The following SLC25A24 variants were observed in gnomAD, a reference collection of about 807,000 sequenced individuals.
SLC25A24 encodes mitochondrial adenyl nucleotide antiporter SLC25A24.
In SLC25A24, 49 loss-of-function variants were observed where a neutral mutation model predicts 60.7. The ratio of observed to expected loss-of-function variants is 0.81; its 90% confidence interval spans 0.64 to 1.02. SLC25A24 has a LOEUF of 1.02. SLC25A24 is among the 50% of genes least tolerant of loss of function. The pLI is 0.00. For missense variants in SLC25A24, 564 were observed against 586.3 expected, an observed-to-expected ratio of 0.96 and a Z score of 0.39; for synonymous variants, 202 against 200.6, an observed-to-expected ratio of 1.01 and a Z score of -0.06.
In SLC25A24 at chr1:108,193,267, T is replaced by G. The variant is rs550740673; in HGVS notation, c.183+6689A>C. Among the ~76,000 whole-genome samples, 20 of 138,466 alleles carry G rather than the reference T, an allele frequency of 1.4e-4. 7 individuals carry two copies. The South Asian group carries it at 2.5e-3, about 18-fold the overall frequency. 90.8% of individuals were successfully genotyped at this position (138,466 alleles called of 152,430 possible). A position where few individuals can be genotyped will look rare whatever the true frequency, so the allele number is the denominator to read the frequency against. On this transcript the variant is annotated intron_variant, in intron 1 of 9. Coordinates refer to ENST00000565488, the MANE Select transcript of SLC25A24 (RefSeq NM_013386.5). The stretch of plus-strand genomic sequence containing the variant: ...TGTGTGATACTGGGGTTTGAGCTCC[T>G]AATCGTGCCATCACCCAGGTTGTGA...
chr1:108,148,667 A>G (rs1368916228), intron 6 of SLC25A24, among the ~76,000 whole-genome samples: 1 of 152,196 alleles, frequency 6.6e-6, no homozygotes, highest in Non-Finnish European at 1.5e-5. Context: ...CAAGCTGAGA[A>G]GAGAACGCTC....
chr1:108,154,664 T>G (rs1679844756), intron 6 of SLC25A24, among the ~76,000 whole-genome samples: 1 of 152,194 alleles, frequency 6.6e-6, no homozygotes. Flanking sequence ...TTGTGACACT[T>G]TCATAAAACT....
intron 7 of SLC25A24, 24 bp from the exon 8 acceptor site, chr1:108,143,734 A>G (rs748431626): frequency 5.7e-6 from 9 of 1,578,618 alleles, no homozygotes; most frequent in Non-Finnish European, 6.9e-6. Flanking sequence ...AAAACAAAAT[A>G]TGATTGTTCA....
At chr1:108,149,038 T>A (rs1679683607) in intron 6 of SLC25A24, among the ~76,000 whole-genome samples, 1 of 152,166 alleles carries the variant, frequency 6.6e-6, no homozygotes, top group African/African-American at 2.4e-5. Context: ...CCTCCCCAGG[T>A]GTACAGAAAA....
At chr1:108,145,192 G>A (rs924340173) in intron 7 of SLC25A24, among the ~76,000 whole-genome samples, 11 of 152,112 alleles carry the variant, frequency 7.2e-5, no homozygotes, top group Non-Finnish European at 1.3e-4. Flanking sequence ...CTTTTCTCAC[G>A]TTTGTTGGCT....
At chr1:108,154,656 G>GT (rs1194592313) in intron 6 of SLC25A24, among the ~76,000 whole-genome samples, 1 of 152,084 alleles carries the variant, frequency 6.6e-6, no homozygotes, top group Non-Finnish European at 1.5e-5. Flanking sequence ...AGGTTAGATT[G>GT]TGACACTTTC....
intron 3 of SLC25A24, among the ~76,000 whole-genome samples, chr1:108,175,571 C>T (rs1415861491): frequency 1.3e-5 from 2 of 152,006 alleles, no homozygotes; most frequent in Admixed American, 1.3e-4. Context: ...GGTACAATGC[C>T]TGTAGTCCCA....
chr1:108,153,560 G>A (rs1294338822), intron 6 of SLC25A24, among the ~76,000 whole-genome samples: 1 of 152,142 alleles, frequency 6.6e-6, no homozygotes, highest in African/African-American at 2.4e-5. Flanking sequence ...ACAGGAAGGT[G>A]GCTTTTAGAG....
intron 3 of SLC25A24, among the ~76,000 whole-genome samples, chr1:108,171,674 A>G (rs973858909): frequency 1.3e-5 from 2 of 152,234 alleles, no homozygotes; most frequent in African/African-American, 2.4e-5. Context: ...CCAGATACAC[A>G]TGGTCTGTGC....
intron 1 of SLC25A24, among the ~76,000 whole-genome samples, chr1:108,190,007 T>C (rs1275181796): frequency 6.6e-6 from 1 of 152,070 alleles, no homozygotes; most frequent in African/African-American, 2.4e-5. Flanking sequence ...AGATTAGGAA[T>C]GGATTCCCCT....
chr1:108,158,077 CCAT>C (rs1679952929), intron 4 of SLC25A24, among the ~76,000 whole-genome samples: 1 of 152,144 alleles, frequency 6.6e-6, no homozygotes, highest in African/African-American at 2.4e-5. Flanking sequence ...CATATTTATA[CCAT>C]GATATGTTTT....
chr1:108,155,390 G>T (rs1679869136), intron 5 of SLC25A24, among the ~76,000 whole-genome samples: 1 of 151,856 alleles, frequency 6.6e-6, no homozygotes, highest in South Asian at 2.1e-4. Context: ...AAGACAAGAA[G>T]AGTATTAAAA....
intron 8 of SLC25A24, among the ~76,000 whole-genome samples, chr1:108,140,431 C>A (rs547543203): frequency 5.3e-5 from 8 of 151,980 alleles, no homozygotes; most frequent in East Asian, 3.9e-4. Flanking sequence ...AATAGCAACA[C>A]AAAACCACAA....
intron 8 of SLC25A24, among the ~76,000 whole-genome samples, chr1:108,142,927 C>T (rs1185221846): frequency 1.3e-5 from 2 of 152,140 alleles, no homozygotes; most frequent in African/African-American, 4.8e-5. Flanking sequence ...CACTCTTCCT[C>T]TACGCTGTAG....
rs908998129 is a variant in SLC25A24 at position 108,181,994 on chromosome 1, G to A, written c.345C>T (p.Leu115=). The A allele has an allele frequency of 1.2e-6, 2 of 1,612,116 alleles. No homozygotes were observed. Among genetic ancestry groups the A allele is most frequent in the African/African-American group, 2.7e-5 (2 of 74,828 alleles). The part of the protein sequence containing the change: ...KIEASEIVQS[L]QTLGLTISEQ... The stretch of plus-strand genomic sequence containing the variant: ...CAGAAATAGTCAGACCCAGTGTCTG[G>A]AGAGACTGGACAATTTCTGAAGCCT... The change falls in exon 3 of 10, where the codon CTC becomes CTT. Residue 115 remains leucine, a synonymous_variant. Coordinates refer to ENST00000565488, the MANE Select transcript of SLC25A24 (RefSeq NM_013386.5).
Position 108,143,582 on chromosome 1 carries a change from A to T in SLC25A24, c.1059T>A (p.Gly353=). 6.2e-7 allele frequency: 1 copy of T among 1,613,772 alleles called. No individual in the cohort carries two copies. Among genetic ancestry groups the T allele is most frequent in the Non-Finnish European group, 8.5e-7 (1 of 1,179,760 alleles). ...FYKGYVPNLL[G]IIPYAGIDLA... Reference sequence around the variant, plus strand: ...GATCTATGCCTGCATAAGGTATGATACCTAATAAATTGGGAACATAGCCTT... The same window carrying T: ...GATCTATGCCTGCATAAGGTATGATTCCTAATAAATTGGGAACATAGCCTT... The change falls in exon 8 of 10, where the codon GGT becomes GGA. Residue 353 remains glycine, a synonymous_variant. Transcript: ENST00000565488.
intron 9 of SLC25A24, among the ~76,000 whole-genome samples, chr1:108,137,210 A>G (rs759206243): frequency 3.9e-5 from 6 of 152,208 alleles, no homozygotes; most frequent in Non-Finnish European, 8.8e-5. Flanking sequence ...CTGAGATCCA[A>G]TGGTCTGACT....
At chr1:108,138,334 T>C (rs1571274669) in intron 9 of SLC25A24, among the ~76,000 whole-genome samples, 1 of 151,658 alleles carries the variant, frequency 6.6e-6, no homozygotes. Context: ...GGAAGGGAGG[T>C]TGGGAATAGA....
intron 3 of SLC25A24, among the ~76,000 whole-genome samples, chr1:108,168,386 T>C (rs897295450): frequency 3.3e-5 from 5 of 152,150 alleles, no homozygotes; most frequent in Non-Finnish European, 7.3e-5. Flanking sequence ...TCCCCACACA[T>C]AAGCATCCTC....
Sources: gnomAD v4.1 joint callset for allele counts (sites outside exome capture counted in the v4.1 genomes callset) on GRCh38, gnomAD v4.1.1 for gene constraint, MANE v1.5 for transcripts, NCBI Gene and HGNC (gene_info 2026-07-23, HGNC 2026-07-21) for gene names.